Variants in SPATA2L observed in about 807,000 individuals in gnomAD.
The protein encoded by SPATA2L is spermatogenesis associated 2 like.
In SPATA2L, 5 loss-of-function variants were observed where a neutral mutation model predicts 8.7. The observed-to-expected ratio is 0.57, with a 90% confidence interval of 0.30 to 1.21. The LOEUF is 1.21. SPATA2L is among the 50% of genes most tolerant of loss of function. The pLI is 0.07. For missense variants in SPATA2L, 671 were observed against 591.0 expected, an observed-to-expected ratio of 1.14 and a Z score of -1.40; for synonymous variants, 358 against 275.8, an observed-to-expected ratio of 1.30 and a Z score of -2.95.
rs1183602091 is a variant in SPATA2L at position 89,701,159 on chromosome 16, A to G, written c.74T>C (p.Val25Ala). 7 of 1,499,546 alleles carry G rather than the reference A, an allele frequency of 4.7e-6. No individual in the cohort carries two copies. Among genetic ancestry groups the G allele is most frequent in the East Asian group, 2.7e-5 (1 of 37,284 alleles). 92.9% of individuals were successfully genotyped at this position (1,499,546 alleles called of 1,614,324 possible). Residue 25 changes from valine (V) to alanine (A), a missense_variant, in exon 2 of 3, where the codon GTG becomes GCG. By Grantham distance (64) the Val-to-Ala change is moderately conservative (BLOSUM62 0). Transcript: ENST00000289805. ...CGCGCGCAGCGAGGGGTCCCCGCAC[A>G]CGCCCGCGCGGCCCCGTCGCAGCTC... Reference protein sequence around the residue: ...ERELRRGRAGVCGDPSLRAVL... With the variant: ...ERELRRGRAGACGDPSLRAVL...
At position 89,697,427 on chromosome 16, in the gene SPATA2L, C is replaced by T; in HGVS notation, c.1182G>A (p.Leu394=). The change falls in exon 3 of 3, where the codon CTG becomes CTA. Residue 394 remains leucine (L), a synonymous_variant. Transcript: ENST00000289805. ...ALPACRPGHS[L]RVLLGDAQRR... is the part of the protein sequence containing the mutation. The stretch of plus-strand genomic sequence containing the variant: ...GCTGGGCGTCGCCAAGCAGCACACG[C>T]AGCGAGTGGCCTGGACGGCAGGCGG... 6.2e-7 allele frequency: 1 copy of T among 1,605,816 alleles called. No individual in the cohort carries two copies. Among genetic ancestry groups the T allele is most frequent in the Non-Finnish European group, 8.5e-7 (1 of 1,176,376 alleles).
chr16:89,699,909 C>CT (rs1371231988), intron 2 of SPATA2L, among the ~76,000 whole-genome samples: 1 of 152,228 alleles, frequency 6.6e-6, no homozygotes, highest in Non-Finnish European at 1.5e-5. Flanking sequence ...AGGACAATCA[C>CT]TGCGAGCGTC....
rs754883245 is a variant in SPATA2L, at chr16:89,697,885, G to C, written c.724C>G (p.Leu242Val). Residue 242 changes from leucine to valine, a missense_variant, in exon 3 of 3, where the codon CTG becomes GTG. By Grantham distance (32) the Leu-to-Val change is conservative. Coordinates refer to ENST00000289805, the MANE Select transcript of SPATA2L (RefSeq NM_152339.4). ...GGGCCTGGTGACGGCTCCCCATACA[G>C]GCTGGCGTCCTCCGACCCCTCGTCT... is the stretch of plus-strand genomic sequence containing the variant. ...QEDEGSEDAS[L>V]YGEPSPGPDS... 22 of 1,611,606 alleles carry C rather than the reference G, an allele frequency of 1.4e-5. No homozygotes were observed. Among genetic ancestry groups the C allele is most frequent in the Non-Finnish European group, 1.6e-5 (19 of 1,179,670 alleles).
chr16:89,698,176 C>CGG lies in SPATA2L; in HGVS notation c.431_432dup (p.Ala145ProfsTer173). The stretch of plus-strand genomic sequence containing the variant: ...AGGGCCACCTGCACCAGCTGGCAGG[C>CGG]GGGGGGCAGGGCGGTCACCATGAGC... On this transcript the variant is annotated frameshift_variant, in exon 3 of 3. Coordinates refer to ENST00000289805, the MANE Select transcript of SPATA2L (RefSeq NM_152339.4). LOFTEE classifies it low-confidence loss of function (END_TRUNC). 1 of 1,611,442 alleles carries CGG rather than the reference C, an allele frequency of 6.2e-7. No homozygotes were observed. Among genetic ancestry groups the CGG allele is most frequent in the Non-Finnish European group, 8.5e-7 (1 of 1,179,352 alleles).
rs1476736181 is a variant in SPATA2L at position 89,696,500 on chromosome 16, A to G, written c.*834T>C. The G allele has an allele frequency of 2.6e-6, 1 of 385,634 alleles. No individual in the cohort carries two copies. Among genetic ancestry groups the G allele is most frequent in the Non-Finnish European group, 4.7e-6 (1 of 212,302 alleles). 23.9% of individuals were successfully genotyped at this position (385,634 alleles called of 1,614,324 possible). On this transcript the variant is annotated 3_prime_UTR_variant, in exon 3 of 3. Coordinates refer to ENST00000289805, the MANE Select transcript of SPATA2L (RefSeq NM_152339.4). ...GGGCCCAGAGGGGCTGTCACAGTGG[A>G]TGCACCCTGCCCTCTCCCTCGCCAG...
Position 89,696,682 on chromosome 16 carries a change from G to C in SPATA2L, c.*652C>G. On this transcript the variant is annotated 3_prime_UTR_variant, in exon 3 of 3. Coordinates refer to ENST00000289805, the MANE Select transcript of SPATA2L (RefSeq NM_152339.4). ...CCGCCCAGCAGCAGTGACGCTCAGGGCCTTCCCAGCTGTCAGCCACTGCCC... is the reference window on the plus strand; with the variant it reads ...CCGCCCAGCAGCAGTGACGCTCAGGCCCTTCCCAGCTGTCAGCCACTGCCC... 1 of 1,180,562 alleles carries C rather than the reference G, an allele frequency of 8.5e-7. No homozygotes were observed. Among genetic ancestry groups the C allele is most frequent in the Non-Finnish European group, 1.2e-6 (1 of 847,644 alleles). 73.1% of individuals were successfully genotyped at this position (1,180,562 alleles called of 1,614,324 possible).
chr16:89,701,100 G>C lies in SPATA2L; in HGVS notation c.133C>G (p.Leu45Val). 1 of 1,564,572 alleles carries C rather than the reference G, an allele frequency of 6.4e-7. No individual in the cohort carries two copies. Among genetic ancestry groups the C allele is most frequent in the Non-Finnish European group, 8.6e-7 (1 of 1,161,354 alleles). ...GCGTCGTCCTGCAGCGCCCCGTGCA[G>C]GTCGAAGTCCTCCACCAGGATCTGC... ...LWQILVEDFD[L>V]HGALQDDALA... Residue 45 changes from leucine to valine, a missense_variant, in exon 2 of 3, where the codon CTG (leucine) becomes GTG (valine). Leu to Val is a conservative substitution (Grantham distance 32). Coordinates refer to ENST00000289805, the MANE Select transcript of SPATA2L (RefSeq NM_152339.4).
Position 89,699,018 on chromosome 16 carries a change from C to T in SPATA2L, c.304-713G>A, listed in dbSNP as rs1200207404. On this transcript the variant is annotated intron_variant, in intron 2 of 2. Transcript: ENST00000289805. ...GACCAGGAAGGTCTTGATCCCTTGA[C>T]CTCATGATCCACCCACCTTGGCCTC... is the stretch of plus-strand genomic sequence containing the variant. 2.0e-5 allele frequency among the ~76,000 whole-genome samples: 3 copies of T among 152,070 alleles called. No individual in the cohort carries two copies. In the East Asian group the frequency reaches 5.8e-4, roughly 29 times the overall value.
At position 89,696,594 on chromosome 16, in the gene SPATA2L, G is replaced by A. The variant is rs889835275; in HGVS notation, c.*740C>T. 2 of 529,536 alleles carry A rather than the reference G, an allele frequency of 3.8e-6. No individual in the cohort carries two copies. The highest frequency in any genetic ancestry group is 6.6e-6 in the Non-Finnish European group (2 of 301,968). 32.8% of individuals were successfully genotyped at this position (529,536 alleles called of 1,614,324 possible). A position where few individuals can be genotyped will look rare whatever the true frequency, so the allele number is the denominator to read the frequency against. ...TGCACCCACAGGGAATGGAGGGGAG[G>A]GGCACCATTACCACTGGACCCACCA... On this transcript the variant is annotated 3_prime_UTR_variant, in exon 3 of 3. Transcript: ENST00000289805.
chr16:89,696,897 G>A lies in SPATA2L; in HGVS notation c.*437C>T, dbSNP rs1258696846. 3 of 1,533,166 alleles carry A rather than the reference G, an allele frequency of 2.0e-6. No homozygotes were observed. Among genetic ancestry groups the A allele is most frequent in the Non-Finnish European group, 2.6e-6 (3 of 1,145,154 alleles). 95.0% of individuals were successfully genotyped at this position (1,533,166 alleles called of 1,614,324 possible). A position where few individuals can be genotyped will look rare whatever the true frequency, so the allele number is the denominator to read the frequency against. On this transcript the variant is annotated 3_prime_UTR_variant, in exon 3 of 3. Transcript: ENST00000289805. ...TGGGGGGAGCTCGGTGTCACCAACA[G>A]GCCCTTGAGGACACTCGTGTGGAGA...
rs1597887327 is a variant in SPATA2L, at chr16:89,696,867, T to G, written c.*467A>C. 2.0e-6 allele frequency: 3 copies of G among 1,534,566 alleles called. No homozygotes were observed. Among genetic ancestry groups the G allele is most frequent in the Middle Eastern group, 3.3e-4 (2 of 5,980 alleles). On this transcript the variant is annotated 3_prime_UTR_variant, in exon 3 of 3. Coordinates refer to ENST00000289805, the MANE Select transcript of SPATA2L (RefSeq NM_152339.4). ...CCCGCAGATTGGCTCCAGCAGAGCT[T>G]GGGGTGGGGGGAGCTCGGTGTCACC...
At chr16:89,699,696 G>A (rs183088790) in intron 2 of SPATA2L, among the ~76,000 whole-genome samples, 4 of 152,174 alleles carry the variant, frequency 2.6e-5, no homozygotes, top group South Asian at 2.1e-4. Context: ...GATTACAGGC[G>A]CGTGCCACCA....
chr16:89,701,070 C>T lies in SPATA2L; in HGVS notation c.163G>A (p.Ala55Thr), dbSNP rs1310843440. 5 of 1,573,278 alleles carry T rather than the reference C, an allele frequency of 3.2e-6. No individual in the cohort carries two copies. Among genetic ancestry groups the T allele is most frequent in the Non-Finnish European group, 2.6e-6 (3 of 1,164,126 alleles). Residue 55 changes from alanine to threonine, a missense_variant, in exon 2 of 3, where the codon GCT becomes ACT. By Grantham distance (58) the Ala-to-Thr change is moderately conservative. Transcript: ENST00000289805. Reference protein sequence around the residue: ...LHGALQDDALALLTDGLWGRA... With the variant: ...LHGALQDDALTLLTDGLWGRA... ...CCCCACAGCCCGTCGGTGAGCAGAGCCAGCGCGTCGTCCTGCAGCGCCCCG... is the reference window on the plus strand; with the variant it reads ...CCCCACAGCCCGTCGGTGAGCAGAGTCAGCGCGTCGTCCTGCAGCGCCCCG...
Position 89,697,319 on chromosome 16 carries a change from T to C in SPATA2L, c.*15A>G. On this transcript the variant is annotated 3_prime_UTR_variant, in exon 3 of 3. Coordinates refer to ENST00000289805, the MANE Select transcript of SPATA2L (RefSeq NM_152339.4). ...AGCTGTCTCCCAAGAGCCCTTGACC[T>C]GGGGCCCAGCTGGCCTAGGGCCGGG... 1 of 1,493,262 alleles carries C rather than the reference T, an allele frequency of 6.7e-7. No homozygotes were observed. 92.5% of individuals were successfully genotyped at this position (1,493,262 alleles called of 1,614,324 possible).
Position 89,697,699 on chromosome 16 carries a change from G to T in SPATA2L, c.910C>A (p.Pro304Thr). Residue 304 changes from proline (P) to threonine (T), a missense_variant, in exon 3 of 3, where the codon CCT (proline) becomes ACT (threonine). Pro to Thr is a conservative substitution (Grantham distance 38, BLOSUM62 -1). Coordinates refer to ENST00000289805, the MANE Select transcript of SPATA2L (RefSeq NM_152339.4). ...AGAGAGAGGAAGGAGAAGGCGGAAG[G>T]TTCAGGTTCCAGCCCCTCCTCCAAG... ...GALEEGLEPE[P>T]SAFSFLSLRR... 1 of 1,612,264 alleles carries T rather than the reference G, an allele frequency of 6.2e-7. No homozygotes were observed. The highest frequency in any genetic ancestry group is 1.1e-5 in the South Asian group (1 of 91,036).
In SPATA2L at chr16:89,696,702, C is replaced by A; in HGVS notation, c.*632G>T. 1 of 1,333,420 alleles carries A rather than the reference C, an allele frequency of 7.5e-7. No homozygotes were observed. The highest frequency in any genetic ancestry group is 1.0e-6 in the Non-Finnish European group (1 of 978,804). 82.6% of individuals were successfully genotyped at this position (1,333,420 alleles called of 1,614,324 possible). On this transcript the variant is annotated 3_prime_UTR_variant, in exon 3 of 3. Coordinates refer to ENST00000289805, the MANE Select transcript of SPATA2L (RefSeq NM_152339.4). ...TCAGGGCCTTCCCAGCTGTCAGCCACTGCCCGTTCCTGCGCCTCTCGTGCA... is the reference window on the plus strand; with the variant it reads ...TCAGGGCCTTCCCAGCTGTCAGCCAATGCCCGTTCCTGCGCCTCTCGTGCA...
rs147080535 is a variant in SPATA2L at position 89,697,847 on chromosome 16, C to G, written c.762G>C (p.Pro254=). 3 of 1,609,668 alleles carry G rather than the reference C, an allele frequency of 1.9e-6. No homozygotes were observed. Among genetic ancestry groups the G allele is most frequent in the South Asian group, 2.2e-5 (2 of 90,674 alleles). Residue 254 remains proline (P), a synonymous_variant, in exon 3 of 3, where the codon CCG becomes CCC. Transcript: ENST00000289805. ...GTGGTGGCCTGTAGGCCAGCTCCGC[C>G]GGGGGCGAGTCAGGGCCTGGTGACG... ...GEPSPGPDSP[P]AELAYRPPLW...
Position 89,698,060 on chromosome 16 carries a change from C to A in SPATA2L, c.549G>T (p.Leu183=), listed in dbSNP as rs2060748342. 6.3e-7 allele frequency: 1 copy of A among 1,598,706 alleles called. No individual in the cohort carries two copies. The highest frequency in any genetic ancestry group is 1.7e-5 in the Admixed American group (1 of 59,588). The change falls in exon 3 of 3, where the codon CTG becomes CTT. Residue 183 remains leucine, a synonymous_variant. Coordinates refer to ENST00000289805, the MANE Select transcript of SPATA2L (RefSeq NM_152339.4). The stretch of plus-strand genomic sequence containing the variant: ...CGTCCCCGCTGGCACGCCGTGCCTG[C>A]AGCAGCTCCTCAGCTGGCAGCACAC... ...GTSVLPAEEL[L]QARRASGDVA...
At position 89,697,409 on chromosome 16, in the gene SPATA2L, G is replaced by T; in HGVS notation, c.1200C>A (p.Asp400Glu). 6.2e-7 allele frequency: 1 copy of T among 1,600,972 alleles called. No homozygotes were observed. Residue 400 changes from aspartate (D) to glutamate (E), a missense_variant, in exon 3 of 3, where the codon GAC becomes GAA. Transcript: ENST00000289805. ...GCTGTAGCCACAAGCGCCGCTGGGC[G>T]TCGCCAAGCAGCACACGCAGCGAGT... ...PGHSLRVLLG[D>E]AQRRLWLQRA...
Sources: allele counts gnomAD v4.1 joint callset (sites outside exome capture counted in the v4.1 genomes callset), GRCh38; gene constraint gnomAD v4.1.1; transcripts MANE v1.5; gene names NCBI Gene and HGNC (gene_info 2026-07-23, HGNC 2026-07-21).